Variants in SLC6A18 observed in about 807,000 individuals in gnomAD.
SLC6A18 encodes the protein solute carrier family 6 member 18, also known as inactive sodium-dependent neutral amino acid transporter B(0)AT3.
A neutral mutation model predicts 62.9 loss-of-function variants in SLC6A18; 58 were observed. The observed-to-expected ratio is 0.92, with a 90% confidence interval of 0.75 to 1.15. The LOEUF (loss-of-function observed/expected upper bound fraction) is 1.15. SLC6A18 is among the 50% of genes most tolerant of loss of function. The pLI is 0.00. For missense variants in SLC6A18, 793 were observed against 836.6 expected, an observed-to-expected ratio of 0.95 and a Z score of 0.64; for synonymous variants, 382 against 365.8, an observed-to-expected ratio of 1.04 and a Z score of -0.51.
In SLC6A18 at chr5:1,241,549, GA is replaced by G. The variant is rs1462456634; in HGVS notation, c.974+891del. On this transcript the variant is annotated intron_variant, in intron 7 of 11. Transcript: ENST00000324642. The surrounding 1 kb of genome is among the most constrained non-coding windows in gnomAD (Gnocchi z 7.8). ...AGGGCAGCACGTCAGCACTGCACCT[GA>G]TGGCACTTTTCAACGGGGACGTCAC... 3.3e-5 allele frequency among the ~76,000 whole-genome samples: 5 copies of G among 152,182 alleles called. No homozygotes were observed. The highest frequency in any genetic ancestry group is 1.2e-4 in the African/African-American group (5 of 41,448).
chr5:1,244,675 G>A lies in SLC6A18; in HGVS notation c.1564G>A (p.Val522Met). Residue 522 changes from valine (V) to methionine (M), a missense_variant, in exon 11 of 12, where the codon GTG becomes ATG. Coordinates refer to ENST00000324642, the MANE Select transcript of SLC6A18 (RefSeq NM_182632.3). Reference sequence around the variant, plus strand: ...CCCCTACTGGCGGCTGACCTGGAGGGTGGTCAGTCCCCTGCTGCTGACCAT... The same window carrying A: ...CCCCTACTGGCGGCTGACCTGGAGGATGGTCAGTCCCCTGCTGCTGACCAT... ...PSPYWRLTWR[V>M]VSPLLLTIFV... The A allele has an allele frequency of 6.2e-7, 1 of 1,612,782 alleles. No homozygotes were observed. Among genetic ancestry groups the A allele is most frequent in the Non-Finnish European group, 8.5e-7 (1 of 1,179,038 alleles).
chr5:1,232,175 C>T (rs761235593), intron 1 of SLC6A18, 44 bp from the exon 2 acceptor site: 3 of 1,582,480 alleles, frequency 1.9e-6, no homozygotes, highest in South Asian at 1.1e-5. Context: ...CAGTCCCCCC[C>T]AGCCCCCGAC....
chr5:1,232,217 A>AG lies in SLC6A18; in HGVS notation c.163dup. ...CAGGTGCTGACCACCCCCTCCTCAC[A>AG]GGGGCCTTCCTCATCCCCTACGTCA... On this transcript the variant is annotated splice_acceptor_variant, in intron 1 of 11. Coordinates refer to ENST00000324642, the MANE Select transcript of SLC6A18 (RefSeq NM_182632.3). LOFTEE classifies it high-confidence loss of function. 2 of 1,609,452 alleles carry AG rather than the reference A, an allele frequency of 1.2e-6. No homozygotes were observed. The highest frequency in any genetic ancestry group is 1.7e-6 in the Non-Finnish European group (2 of 1,178,020).
intron 7 of SLC6A18, 44 bp downstream of exon 7, chr5:1,240,703 A>G: frequency 6.2e-7 from 1 of 1,607,954 alleles, no homozygotes. Context: ...CACAGCCGCC[A>G]GACAGGTGCC....
chr5:1,231,566 G>C (rs997254651), intron 1 of SLC6A18, among the ~76,000 whole-genome samples: 1 of 152,182 alleles, frequency 6.6e-6, no homozygotes, highest in Non-Finnish European at 1.5e-5. Context: ...GTCCCTGGGG[G>C]AACAGAGCAG....
rs1561180636 is a variant in SLC6A18 at position 1,242,809 on chromosome 5, G to A, written c.1077G>A (p.Lys359=). 10 of 1,613,906 alleles carry A rather than the reference G, an allele frequency of 6.2e-6. No homozygotes were observed. Among genetic ancestry groups the A allele is most frequent in the Non-Finnish European group, 8.5e-6 (10 of 1,179,868 alleles). The change falls in exon 8 of 12, where the codon AAG becomes AAA. Residue 359 remains lysine (K), a synonymous_variant. Transcript: ENST00000324642. ...TGCACCTGAACGCCACCTGGCCCAA[G>A]AGGGTGGCCCAGCTCCCCCTGAAGG... is the stretch of plus-strand genomic sequence containing the variant. ...VLMHLNATWP[K]RVAQLPLKAC...
intron 4 of SLC6A18, among the ~76,000 whole-genome samples, chr5:1,237,309 GGAGAGGAGTGA>G (rs1159332516): frequency 6.6e-6 from 1 of 151,858 alleles, no homozygotes; most frequent in Non-Finnish European, 1.5e-5. Context: ...GGGGAACTGA[GGAGAGGAGTGA>G]GAGAGGAGTG....
Position 1,238,378 on chromosome 5 carries a change from G to GAGGAGGACTTCGGTCTGGGGCAGGT in SLC6A18, c.732+318_732+319insAGGAGGACTTCGGTCTGGGGCAGGT, listed in dbSNP as rs752081648. Among the ~76,000 whole-genome samples the GAGGAGGACTTCGGTCTGGGGCAGGT allele has an allele frequency of 2.0e-3, 148 of 73,234 alleles. 13 individuals carry two copies. Among genetic ancestry groups the GAGGAGGACTTCGGTCTGGGGCAGGT allele is most frequent in the African/African-American group, 8.7e-3 (100 of 11,538 alleles). 48.0% of individuals were successfully genotyped at this position (73,234 alleles called of 152,430 possible). On this transcript the variant is annotated intron_variant, in intron 5 of 11. Coordinates refer to ENST00000324642, the MANE Select transcript of SLC6A18 (RefSeq NM_182632.3). ...AGAGGTCAGGTTTGGAGTGGGCCTG[G>GAGGAGGACTTCGGTCTGGGGCAGGT]GGCCTCAGGAAAGAGGTCAGGTTTG...
intron 3 of SLC6A18, among the ~76,000 whole-genome samples, chr5:1,234,580 T>G (rs1329643242): frequency 6.6e-6 from 1 of 152,220 alleles, no homozygotes; most frequent in Non-Finnish European, 1.5e-5. Context: ...CGAGAGGAGT[T>G]AAGTCCTCTC....
rs373619525 is a variant in SLC6A18 at position 1,232,902 on chromosome 5, C to T, written c.439+14C>T. 2.0e-5 allele frequency: 32 copies of T among 1,604,012 alleles called. No homozygotes were observed. The highest frequency in any genetic ancestry group is 1.7e-4 in the Middle Eastern group (1 of 6,012). On this transcript the variant is annotated intron_variant, in intron 3 of 11. Transcript: ENST00000324642. ...TCAACAGAACAGGTGAGCTGGGCGC[C>T]GCCTGCTGTGTGGGTCCGTGCACGG...
intron 1 of SLC6A18, among the ~76,000 whole-genome samples, chr5:1,225,905 G>T (rs1181950329): frequency 1.3e-5 from 2 of 152,172 alleles, no homozygotes; most frequent in Non-Finnish European, 2.9e-5. Context: ...CCTCAGGGCA[G>T]CTTCCTGCCA....
At chr5:1,232,614 T>A (rs566003590) in intron 2 of SLC6A18, 137 bp from the exon 3 acceptor site, 39 of 1,283,578 alleles carry the variant, frequency 3.0e-5, no homozygotes, top group Non-Finnish European at 4.1e-5. Context: ...ATGTGAGGTG[T>A]GAGGGAGGCC....
In SLC6A18 at chr5:1,246,073, C is replaced by G. The variant is rs1400333505; in HGVS notation, c.1882C>G (p.Arg628Gly). Residue 628 changes from arginine (R) to glycine (G), a missense_variant, in exon 12 of 12, where the codon CGC becomes GGC. Physicochemically the swap from Arg to Gly is moderately radical, Grantham distance 125 (BLOSUM62 -2). Coordinates refer to ENST00000324642, the MANE Select transcript of SLC6A18 (RefSeq NM_182632.3). The stretch of plus-strand genomic sequence containing the variant: ...GGACATGCGCCCGGACACGGACATG[C>G]GCTGAAGCCGGCCGGAGCGGGGCCT... ...DTDMRPDTDM[R>G] The G allele has an allele frequency of 1.9e-6, 3 of 1,575,028 alleles. No homozygotes were observed. Among genetic ancestry groups the G allele is most frequent in the Admixed American group, 1.8e-5 (1 of 56,384 alleles).
At position 1,232,292 on chromosome 5, in the gene SLC6A18, C is replaced by T. The variant is rs141321317; in HGVS notation, c.234C>T (p.Ile78=). Residue 78 remains isoleucine (I), a synonymous_variant, in exon 2 of 12, where the codon ATC becomes ATT. Coordinates refer to ENST00000324642, the MANE Select transcript of SLC6A18 (RefSeq NM_182632.3). Reference sequence around the variant, plus strand: ...CCATTTTCCACGTCGAGCTCGCCATCGGCCAGCGGCTGCGGAAGGGCAGCG... The same window carrying T: ...CCATTTTCCACGTCGAGCTCGCCATTGGCCAGCGGCTGCGGAAGGGCAGCG... ...GIPIFHVELA[I]GQRLRKGSVG... is the part of the protein sequence containing the mutation. The T allele has an allele frequency of 5.1e-5, 83 of 1,612,630 alleles. No individual in the cohort carries two copies. The highest frequency in any genetic ancestry group is 3.6e-4 in the African/African-American group (27 of 75,058).
chr5:1,236,580 C>T (rs937751084), intron 4 of SLC6A18, among the ~76,000 whole-genome samples: 1 of 152,202 alleles, frequency 6.6e-6, no homozygotes, highest in Non-Finnish European at 1.5e-5. Context: ...AGAGTTCTTA[C>T]CCTGTATTCT....
At position 1,225,870 on chromosome 5, in the gene SLC6A18, C is replaced by T. The variant is rs115675190; in HGVS notation, c.160+233C>T. On this transcript the variant is annotated intron_variant, in intron 1 of 11. Transcript: ENST00000324642. ...CACAGCACGGAGGATCCAGTCCCCT[C>T]GGGGTCCACTATGGTCTTCCGGGAC... Among the ~76,000 whole-genome samples the T allele has an allele frequency of 5.1e-3, 782 of 152,286 alleles. 3 individuals are homozygous for T. The highest frequency in any genetic ancestry group is 7.9e-3 in the Non-Finnish European group (535 of 68,026).
rs1207045035 is a variant in SLC6A18 at position 1,244,764 on chromosome 5, A to G, written c.1653A>G (p.Lys551=). Residue 551 remains lysine (K), a synonymous_variant, in exon 11 of 12, where the codon AAA becomes AAG. Coordinates refer to ENST00000324642, the MANE Select transcript of SLC6A18 (RefSeq NM_182632.3). ...TGAGATACAAGGCCTGGAACCCCAA[A>G]TACGTAGGTCCTTCCGGTGGGAACC... ...KPLRYKAWNP[K]YELFPSRQEK... 1.9e-6 allele frequency: 3 copies of G among 1,603,602 alleles called. No homozygotes were observed. The highest frequency in any genetic ancestry group is 1.7e-6 in the Non-Finnish European group (2 of 1,172,280).
intron 9 of SLC6A18, 51 bp from the exon 10 acceptor site, chr5:1,244,163 A>ACCACCCCCC: frequency 1.0e-6 from 1 of 958,992 alleles, no homozygotes; most frequent in Non-Finnish European, 1.6e-6. Flanking sequence ...CCCTCCCCAC[A>ACCACCCCCC]CCTCCACTCC....
chr5:1,233,783 C>T (rs1158209507), intron 3 of SLC6A18, among the ~76,000 whole-genome samples: 1 of 149,608 alleles, frequency 6.7e-6, no homozygotes, highest in African/African-American at 2.4e-5. Flanking sequence ...GCTCTGTCGC[C>T]CAGGCTGGAG....
Sources: allele counts gnomAD v4.1 joint callset (sites outside exome capture counted in the v4.1 genomes callset), GRCh38; gene constraint gnomAD v4.1.1; non-coding constraint Gnocchi (gnomAD v3.1); transcripts MANE v1.5; gene names NCBI Gene and HGNC (gene_info 2026-07-23, HGNC 2026-07-21).